Variants in ACYP2 observed in about 807,000 individuals in gnomAD.
ACYP2 encodes acylphosphatase-2.
ACYP2 carries 12 observed loss-of-function variants against 11.2 expected under a neutral mutation model. The ratio of observed to expected loss-of-function variants is 1.08; its 90% confidence interval spans 0.69 to 1.74. The LOEUF (loss-of-function observed/expected upper bound fraction) is 1.74, where lower values mean the gene tolerates loss of function less well. ACYP2 is among the 40% of genes most tolerant of loss of function. The pLI, the probability that ACYP2 is intolerant of heterozygous loss-of-function variation, is 0.00. For synonymous variants in ACYP2, 43 were observed against 32.2 expected, an observed-to-expected ratio of 1.33 and a Z score of -1.13; for missense variants, 134 against 101.9, an observed-to-expected ratio of 1.31 and a Z score of -1.35.
At chr2:54,111,524 G>C (rs1354298872) in intron 4 of ACYP2, among the ~76,000 whole-genome samples, 1 of 152,184 alleles carries the variant, frequency 6.6e-6, no homozygotes, top group East Asian at 1.9e-4. Flanking sequence ...TCTCCTTCTG[G>C]AAAGAAATCT....
chr2:54,014,169 AAAAG>A (rs1008935507), intron 2 of ACYP2, among the ~76,000 whole-genome samples: 4 of 152,074 alleles, frequency 2.6e-5, no homozygotes, highest in African/African-American at 9.7e-5. Context: ...CTGAAAAAAA[AAAAG>A]AAAGAAACTC....
chr2:54,243,872 C>T (rs1207997037), intron 6 of ACYP2, among the ~76,000 whole-genome samples: 3 of 151,876 alleles, frequency 2.0e-5, no homozygotes, highest in African/African-American at 7.3e-5. Context: ...TAGTCCATCA[C>T]TGATGGAAAC....
Position 53,995,460 on chromosome 2 carries a change from G to C in ACYP2, c.62+21650G>C, listed in dbSNP as rs574317165. Among the ~76,000 whole-genome samples, 6 of 148,104 alleles carry C rather than the reference G, an allele frequency of 4.1e-5. No individual in the cohort carries two copies. The East Asian group carries it at 1.2e-3, about 30-fold the overall frequency. On this transcript the variant is annotated intron_variant, in intron 2 of 6. Coordinates refer to ENST00000607452, the MANE Select transcript of ACYP2 (RefSeq NM_001320586.2). ...TAATTCTAGACACAATTAATTCAAT[G>C]CTATTATTTTTTATTTATTTATTTA...
chr2:54,054,688 G>A (rs1035667933), intron 3 of ACYP2, among the ~76,000 whole-genome samples: 1 of 152,186 alleles, frequency 6.6e-6, no homozygotes, highest in African/African-American at 2.4e-5. Flanking sequence ...GATATCTGCA[G>A]TCTTGTTCAT....
At chr2:54,291,824 G>A (rs1212515608) in intron 6 of ACYP2, among the ~76,000 whole-genome samples, 1 of 152,116 alleles carries the variant, frequency 6.6e-6, no homozygotes, top group Non-Finnish European at 1.5e-5. Flanking sequence ...AGGCCTATCA[G>A]GAAAAATTGT....
chr2:54,096,187 C>T (rs1678560441), intron 4 of ACYP2, among the ~76,000 whole-genome samples: 1 of 146,148 alleles, frequency 6.8e-6, no homozygotes. Flanking sequence ...GGGCTCCTCA[C>T]TTCTCAGACG....
intron 6 of ACYP2, among the ~76,000 whole-genome samples, chr2:54,172,800 G>C (rs1160265741): frequency 6.6e-6 from 1 of 152,054 alleles, no homozygotes; most frequent in East Asian, 1.9e-4. Context: ...TGTGGTGTTT[G>C]GTTTTCTGTT....
intron 4 of ACYP2, among the ~76,000 whole-genome samples, chr2:54,075,503 T>TA (rs56893194): frequency 0.34 from 40,267 of 120,148 alleles, 5,833 homozygotes; most frequent in South Asian, 0.52. Flanking sequence ...GTCTCAAAAT[T>TA]AAAAAAAAAA....
chr2:54,300,575 G>A (rs942548704), intron 6 of ACYP2, among the ~76,000 whole-genome samples: 4 of 152,180 alleles, frequency 2.6e-5, no homozygotes, highest in Non-Finnish European at 5.9e-5. Context: ...CATTGAGACT[G>A]CATCATTGCC....
chr2:54,064,800 G>C (rs1391638021), intron 4 of ACYP2, among the ~76,000 whole-genome samples: 1 of 152,098 alleles, frequency 6.6e-6, no homozygotes, highest in Non-Finnish European at 1.5e-5. Flanking sequence ...TAAATATAGG[G>C]GGACCGCCAG....
chr2:54,099,808 G>A (rs984637242), intron 4 of ACYP2, among the ~76,000 whole-genome samples: 10 of 152,088 alleles, frequency 6.6e-5, no homozygotes, highest in African/African-American at 1.2e-4. Flanking sequence ...CTTAGGATAC[G>A]TATCCAGGAA....
chr2:54,077,972 C>CT (rs61532843), intron 4 of ACYP2, among the ~76,000 whole-genome samples: 73 of 143,822 alleles, frequency 5.1e-4, no homozygotes, highest in East Asian at 3.2e-3. Context: ...TTCTTTCTTT[C>CT]TTTTTTTTTT....
At chr2:54,208,946 A>G (rs1685211203) in intron 6 of ACYP2, among the ~76,000 whole-genome samples, 1 of 152,044 alleles carries the variant, frequency 6.6e-6, no homozygotes, top group African/African-American at 2.4e-5. Flanking sequence ...CTCCTTTATT[A>G]AAGTATTGAG....
At chr2:54,013,460 C>T (rs1358937995) in intron 2 of ACYP2, among the ~76,000 whole-genome samples, 6 of 151,692 alleles carry the variant, frequency 4.0e-5, no homozygotes, top group Non-Finnish European at 8.8e-5. Flanking sequence ...ACTACCATGC[C>T]CAGCTAATTT....
At chr2:54,161,391 G>T (rs1682704693) in intron 6 of ACYP2, among the ~76,000 whole-genome samples, 1 of 152,100 alleles carries the variant, frequency 6.6e-6, no homozygotes, top group African/African-American at 2.4e-5. Context: ...GAGTACCATT[G>T]GTCTTATCTA....
At chr2:53,995,488 T>TTTTAGTTA (rs1553350326) in intron 2 of ACYP2, among the ~76,000 whole-genome samples, 5 of 145,116 alleles carry the variant, frequency 3.4e-5, no homozygotes, top group African/African-American at 1.0e-4. Context: ...TTTATTTATT[T>TTTTAGTTA]TTTATTTATT....
chr2:54,136,056 C>T (rs143157095), intron 5 of ACYP2, among the ~76,000 whole-genome samples: 1 of 152,286 alleles, frequency 6.6e-6, no homozygotes, highest in East Asian at 1.9e-4. Context: ...CCTGCTACGA[C>T]ATCCAGCTAC....
intron 2 of ACYP2, among the ~76,000 whole-genome samples, chr2:53,992,981 G>A (rs1489962036): frequency 1.3e-5 from 2 of 151,720 alleles, no homozygotes; most frequent in African/African-American, 4.8e-5. Context: ...CAAGGCAGAC[G>A]GATCACTTGA....
At chr2:54,006,065 G>A (rs1394470068) in intron 2 of ACYP2, among the ~76,000 whole-genome samples, 1 of 152,116 alleles carries the variant, frequency 6.6e-6, no homozygotes, top group Non-Finnish European at 1.5e-5. Flanking sequence ...CTCACTGCAG[G>A]CTCAGTCTCC....
Sources: allele counts gnomAD v4.1 joint callset (sites outside exome capture counted in the v4.1 genomes callset), GRCh38; gene constraint gnomAD v4.1.1; transcripts MANE v1.5; gene names NCBI Gene and HGNC (gene_info 2026-07-23, HGNC 2026-07-21).